The following ZNF804A variants were observed in gnomAD, a reference collection of about 807,000 sequenced individuals.
The protein encoded by ZNF804A is zinc finger protein 804A.
A neutral mutation model predicts 16.5 loss-of-function variants in ZNF804A; 2 were observed. The ratio of observed to expected loss-of-function variants is 0.12; its 90% CI spans 0.05 to 0.38. The LOEUF is 0.38. Ranked by LOEUF, ZNF804A falls within the 10% of genes least tolerant of loss-of-function variation. ZNF804A has a pLI of 0.99. For missense variants in ZNF804A, 1,473 were observed against 1,390.7 expected, an observed-to-expected ratio of 1.06 and a Z score of -0.94; for synonymous variants, 534 against 489.6, an observed-to-expected ratio of 1.09 and a Z score of -1.20.
rs778890501 is a variant in ZNF804A at position 184,935,986 on chromosome 2, A to C, written c.590A>C (p.Asn197Thr). The change falls in exon 4 of 4, where the codon AAT becomes ACT. Residue 197 changes from asparagine (N) to threonine (T), a missense_variant. By Grantham distance (65) the Asn-to-Thr change is moderately conservative. Transcript: ENST00000302277. The part of the protein sequence containing the change: ...PESANNYTAK[N>T]NQVGDQAQGI... Reference sequence around the variant, plus strand: ...AGTGCAAATAATTATACAGCAAAAAATAACCAAGTTGGGGATCAAGCCCAG... The same window carrying C: ...AGTGCAAATAATTATACAGCAAAAACTAACCAAGTTGGGGATCAAGCCCAG... 1 of 1,614,054 alleles carries C rather than the reference A, an allele frequency of 6.2e-7. No individual in the cohort carries two copies. The highest frequency in any genetic ancestry group is 1.1e-5 in the South Asian group (1 of 91,086).
rs530611238 is a variant in ZNF804A at position 184,873,420 on chromosome 2, C to T, written c.255+6908C>T. Among the ~76,000 whole-genome samples the T allele has an allele frequency of 3.1e-4, 47 of 152,164 alleles. 1 individual carries two copies. Among genetic ancestry groups the T allele is most frequent in the African/African-American group, 1.0e-3 (43 of 41,528 alleles). ...GAAGGATCGCTTGAGCCTGGGAGAT[C>T]GAGGCAGCAGTGAGCCATGATCGCA... On this transcript the variant is annotated intron_variant, in intron 2 of 3. Transcript: ENST00000302277.
At chr2:184,632,383 T>C (rs540073037) in intron 1 of ZNF804A, among the ~76,000 whole-genome samples, 1 of 152,332 alleles carries the variant, frequency 6.6e-6, no homozygotes, top group African/African-American at 2.4e-5. Context: ...TTATTTATTT[T>C]ACTAAGTACC....
At chr2:184,671,020 C>T (rs183788589) in intron 1 of ZNF804A, among the ~76,000 whole-genome samples, 1 of 152,212 alleles carries the variant, frequency 6.6e-6, no homozygotes, top group East Asian at 1.9e-4. Flanking sequence ...GATTTAATAT[C>T]CAACCAATAA....
At chr2:184,768,927 C>T in intron 1 of ZNF804A, among the ~76,000 whole-genome samples, 1 of 152,012 alleles carries the variant, frequency 6.6e-6, no homozygotes, top group East Asian at 1.9e-4. Context: ...CTTAATCACC[C>T]TCTTTTAACT....
At chr2:184,668,661 G>A (rs530631180) in intron 1 of ZNF804A, among the ~76,000 whole-genome samples, 8 of 151,800 alleles carry the variant, frequency 5.3e-5, no homozygotes, top group Non-Finnish European at 8.8e-5. Flanking sequence ...GAGATATTTG[G>A]AAAGTTATAC....
At chr2:184,919,486 C>T (rs1685498639) in intron 2 of ZNF804A, among the ~76,000 whole-genome samples, 1 of 152,140 alleles carries the variant, frequency 6.6e-6, no homozygotes, top group Non-Finnish European at 1.5e-5. Flanking sequence ...CACAGGCAGC[C>T]GGGGAAAGAG....
At chr2:184,808,179 CTG>C (rs1198177509) in intron 1 of ZNF804A, among the ~76,000 whole-genome samples, 1 of 151,376 alleles carries the variant, frequency 6.6e-6, no homozygotes, top group Admixed American at 6.6e-5. Context: ...AATAATATGA[CTG>C]AATAAATATA....
chr2:184,876,294 T>C (rs1481105444), intron 2 of ZNF804A, among the ~76,000 whole-genome samples: 9 of 152,152 alleles, frequency 5.9e-5, no homozygotes, highest in Non-Finnish European at 1.3e-4. Flanking sequence ...AATATTCATT[T>C]GTGGGGAAAA....
At chr2:184,867,065 T>C (rs1695888286) in intron 2 of ZNF804A, among the ~76,000 whole-genome samples, 1 of 151,938 alleles carries the variant, frequency 6.6e-6, no homozygotes, top group Non-Finnish European at 1.5e-5. Flanking sequence ...TTGTTCATTT[T>C]AATATTTTCA....
chr2:184,823,333 T>C lies in ZNF804A; in HGVS notation c.112-43036T>C, dbSNP rs564382255. On this transcript the variant is annotated intron_variant, in intron 1 of 3. Coordinates refer to ENST00000302277, the MANE Select transcript of ZNF804A (RefSeq NM_194250.2). ...ACCTCCTAAGAACTCCAGTTCTTAA[T>C]ACTGTTATATTAGGATTTAAGTTTT... 1.4e-3 allele frequency among the ~76,000 whole-genome samples: 212 copies of C among 152,260 alleles called. 1 individual carries two copies. The highest frequency in any genetic ancestry group is 2.7e-3 in the Non-Finnish European group (184 of 68,028).
rs145767662 is a variant in ZNF804A at position 184,868,916 on chromosome 2, C to A, written c.255+2404C>A. Among the ~76,000 whole-genome samples the A allele has an allele frequency of 2.5e-3, 381 of 152,138 alleles. 1 individual carries two copies. Among genetic ancestry groups the A allele is most frequent in the African/African-American group, 8.7e-3 (360 of 41,548 alleles). On this transcript the variant is annotated intron_variant, in intron 2 of 3. Transcript: ENST00000302277. ...TAAGCTCTCTGAAGATCAAAGCAAT[C>A]TTTTTGGTTTCCCATAGAAAATACC...
chr2:184,833,544 C>G (rs992477910), intron 1 of ZNF804A, among the ~76,000 whole-genome samples: 1 of 152,086 alleles, frequency 6.6e-6, no homozygotes, highest in Admixed American at 6.6e-5. Context: ...CATGTGGCTA[C>G]TTGTTACCAT....
chr2:184,725,027 A>G (rs546684730), intron 1 of ZNF804A, among the ~76,000 whole-genome samples: 64 of 151,764 alleles, frequency 4.2e-4, no homozygotes, highest in Admixed American at 3.0e-3. Flanking sequence ...CTAGGGATTT[A>G]TAATTATTTT....
At chr2:184,850,528 C>T (rs1194691578) in intron 1 of ZNF804A, among the ~76,000 whole-genome samples, 3 of 151,626 alleles carry the variant, frequency 2.0e-5, no homozygotes, top group Non-Finnish European at 4.4e-5. Flanking sequence ...CAATTTTCCC[C>T]TCTCTCCCTT....
chr2:184,828,240 G>A (rs1695200273), intron 1 of ZNF804A, among the ~76,000 whole-genome samples: 1 of 151,692 alleles, frequency 6.6e-6, no homozygotes, highest in African/African-American at 2.4e-5. Context: ...ATGATCACAT[G>A]GCTAGTAAAC....
At chr2:184,739,789 G>C (rs1385535495) in intron 1 of ZNF804A, among the ~76,000 whole-genome samples, 1 of 152,104 alleles carries the variant, frequency 6.6e-6, no homozygotes, top group Admixed American at 6.6e-5. Context: ...AATCTCCCCT[G>C]CTCTTCAGAT....
At chr2:184,812,259 C>T (rs903261103) in intron 1 of ZNF804A, among the ~76,000 whole-genome samples, 11 of 152,054 alleles carry the variant, frequency 7.2e-5, no homozygotes, top group African/African-American at 2.2e-4. Flanking sequence ...GTCTCTAGTT[C>T]GCCAACCACA....
chr2:184,938,084 G>A lies in ZNF804A; in HGVS notation c.2688G>A (p.Glu896=), dbSNP rs1355899332. 2 of 1,614,094 alleles carry A rather than the reference G, an allele frequency of 1.2e-6. No individual in the cohort carries two copies. Among genetic ancestry groups the A allele is most frequent in the Admixed American group, 1.7e-5 (1 of 60,000 alleles). The change falls in exon 4 of 4, where the codon GAG becomes GAA. Residue 896 remains glutamate, a synonymous_variant. Coordinates refer to ENST00000302277, the MANE Select transcript of ZNF804A (RefSeq NM_194250.2). ...LLPSETNGET[E]HLEMETTSGE... ...CTTCTGAAACCAATGGTGAAACTGAGCATTTAGAAATGGAGACCACTTCTG... is the reference window on the plus strand; with the variant it reads ...CTTCTGAAACCAATGGTGAAACTGAACATTTAGAAATGGAGACCACTTCTG...
At chr2:184,644,162 T>G (rs1023430847) in intron 1 of ZNF804A, among the ~76,000 whole-genome samples, 1 of 151,524 alleles carries the variant, frequency 6.6e-6, no homozygotes, top group Non-Finnish European at 1.5e-5. Context: ...ATGCAAAAAT[T>G]TAACTGTCAG....
Sources: allele counts gnomAD v4.1 joint callset (sites outside exome capture counted in the v4.1 genomes callset), GRCh38; gene constraint gnomAD v4.1.1; transcripts MANE v1.5; gene names NCBI Gene and HGNC (gene_info 2026-07-23, HGNC 2026-07-21).